Variants in C10orf90 observed in about 807,000 individuals in gnomAD.
The protein encoded by C10orf90 is chromosome 10 open reading frame 90.
C10orf90 carries 56 observed loss-of-function variants against 62.5 expected under a neutral mutation model. The observed-to-expected ratio is 0.90, with a 90% CI of 0.72 to 1.12. C10orf90 has a LOEUF of 1.12. Ranked by LOEUF, C10orf90 falls within the 50% of genes most tolerant of loss-of-function variation. The pLI is 0.00. For synonymous variants in C10orf90, 386 were observed against 340.4 expected (o/e 1.13, Z -1.47); for missense variants, 970 against 880.4 (o/e 1.10, Z -1.29).
At chr10:126,607,241 C>G (rs1845332126) in intron 2 of C10orf90, among the ~76,000 whole-genome samples, 1 of 152,196 alleles carries the variant, frequency 6.6e-6, no homozygotes, top group Non-Finnish European at 1.5e-5. Context: ...TATATAGCTA[C>G]CATTGAGTAC....
chr10:126,445,803 G>GTATATATATATATATATA (rs1227032547), intron 7 of C10orf90, among the ~76,000 whole-genome samples: 11 of 67,060 alleles, frequency 1.6e-4, no homozygotes, highest in African/African-American at 6.5e-4. Context: ...AGAAACTGTG[G>GTATATATATATATATATA]TGTATATATA....
intron 2 of C10orf90, among the ~76,000 whole-genome samples, chr10:126,565,095 T>TATATAATATATAAAATATATATTATAC (rs1844314121): frequency 2.2e-5 from 1 of 45,078 alleles, no homozygotes; most frequent in African/African-American, 8.9e-5. Flanking sequence ...ATATATATTA[T>TATATAATATATAAAATATATATTATAC]ATAATATATA....
At chr10:126,521,527 CA>C in intron 2 of C10orf90, 8 of 1,293,640 alleles carry the variant, frequency 6.2e-6, no homozygotes, top group Non-Finnish European at 8.0e-6. Flanking sequence ...ACAGGGCAAC[CA>C]GGGGAGGTGG....
intron 2 of C10orf90, among the ~76,000 whole-genome samples, chr10:126,565,667 A>C (rs1844370019): frequency 6.6e-6 from 1 of 151,790 alleles, no homozygotes; most frequent in Non-Finnish European, 1.5e-5. Flanking sequence ...TTGTTTGAAC[A>C]AATTGGAAAC....
At chr10:126,497,177 G>A (rs993920367) in intron 4 of C10orf90, among the ~76,000 whole-genome samples, 4 of 152,192 alleles carry the variant, frequency 2.6e-5, no homozygotes, top group African/African-American at 9.6e-5. Context: ...CAGCACAGGA[G>A]CACCTGTTCT....
intron 1 of C10orf90, among the ~76,000 whole-genome samples, chr10:126,660,651 C>A (rs889594004): frequency 1.3e-5 from 2 of 151,976 alleles, no homozygotes; most frequent in Non-Finnish European, 2.9e-5. Flanking sequence ...GAGAAGCCAT[C>A]TAACCTACAC....
At chr10:126,562,931 C>T (rs1172681097) in intron 2 of C10orf90, among the ~76,000 whole-genome samples, 4 of 152,242 alleles carry the variant, frequency 2.6e-5, no homozygotes, top group Non-Finnish European at 4.4e-5. Flanking sequence ...CTCACTTCTC[C>T]CAGCCACCGG....
At chr10:126,430,278 C>T (rs553127898) in intron 7 of C10orf90, among the ~76,000 whole-genome samples, 1 of 152,266 alleles carries the variant, frequency 6.6e-6, no homozygotes, top group African/African-American at 2.4e-5. Flanking sequence ...AGGTTTCACT[C>T]TTGTCTATAG....
chr10:126,481,181 C>T (rs1861144135), intron 4 of C10orf90, among the ~76,000 whole-genome samples: 1 of 152,206 alleles, frequency 6.6e-6, no homozygotes, highest in Non-Finnish European at 1.5e-5. Flanking sequence ...AGAAGCCTTC[C>T]CTGGCCACCC....
intron 1 of C10orf90, among the ~76,000 whole-genome samples, chr10:126,659,776 T>C (rs1378877593): frequency 6.6e-6 from 1 of 152,202 alleles, no homozygotes; most frequent in African/African-American, 2.4e-5. Flanking sequence ...GAAAAATGAG[T>C]GAATCTGTAA....
chr10:126,434,581 G>A (rs181040693), intron 7 of C10orf90, among the ~76,000 whole-genome samples: 15 of 152,290 alleles, frequency 9.8e-5, no homozygotes, highest in South Asian at 4.1e-4. Context: ...AGAGATACCC[G>A]TTGGAGAGAA....
At chr10:126,473,139 C>A (rs1239759626) in intron 4 of C10orf90, among the ~76,000 whole-genome samples, 1 of 152,132 alleles carries the variant, frequency 6.6e-6, no homozygotes, top group Non-Finnish European at 1.5e-5. Context: ...CCACACCAGC[C>A]CCACATTCCT....
chr10:126,522,527 C>G (rs1007794858), intron 2 of C10orf90, among the ~76,000 whole-genome samples: 1 of 152,222 alleles, frequency 6.6e-6, no homozygotes, highest in Admixed American at 6.5e-5. Flanking sequence ...TGGATAATCT[C>G]AAGCCCCTTG....
chr10:126,483,682 A>G (rs1230692709), intron 4 of C10orf90, among the ~76,000 whole-genome samples: 1 of 152,228 alleles, frequency 6.6e-6, no homozygotes, highest in Non-Finnish European at 1.5e-5. Context: ...TTAGCTCTAT[A>G]AGCATAGATT....
chr10:126,537,931 G>C (rs1864276782), intron 2 of C10orf90, among the ~76,000 whole-genome samples: 1 of 152,170 alleles, frequency 6.6e-6, no homozygotes, highest in Non-Finnish European at 1.5e-5. Flanking sequence ...AACCCAATGT[G>C]ACTATTGTAC....
intron 7 of C10orf90, among the ~76,000 whole-genome samples, chr10:126,444,853 C>A (rs1039578905): frequency 2.0e-5 from 3 of 151,870 alleles, no homozygotes; most frequent in South Asian, 2.1e-4. Context: ...AATAGAGAAC[C>A]CAAAAATAAG....
At chr10:126,599,588 G>A (rs1202423418) in intron 2 of C10orf90, among the ~76,000 whole-genome samples, 1 of 151,790 alleles carries the variant, frequency 6.6e-6, no homozygotes, top group Admixed American at 6.6e-5. Context: ...CATCCTCAGA[G>A]ATGTGAGGGC....
At chr10:126,657,963 T>A (rs375286680) in intron 1 of C10orf90, among the ~76,000 whole-genome samples, 3 of 152,272 alleles carry the variant, frequency 2.0e-5, no homozygotes, top group Non-Finnish European at 2.9e-5. Context: ...CCAACAGGAC[T>A]ATGGGGCATG....
chr10:126,508,672 G>A lies in C10orf90; in HGVS notation c.406-3587C>T, dbSNP rs1564844189. 3.3e-5 allele frequency among the ~76,000 whole-genome samples: 5 copies of A among 152,342 alleles called. No homozygotes were observed. The South Asian group carries it at 1.0e-3, about 32-fold the overall frequency. On this transcript the variant is annotated intron_variant, in intron 3 of 9. Coordinates refer to ENST00000488181, the MANE Select transcript of C10orf90 (RefSeq NM_001350921.2). Reference sequence around the variant, plus strand: ...GCCGGCCTAGGACTCAGGCCACCTGGGTCTAGCGTGGGCCGGGACTCCCAT... The same window carrying A: ...GCCGGCCTAGGACTCAGGCCACCTGAGTCTAGCGTGGGCCGGGACTCCCAT...
Sources: allele counts gnomAD v4.1 joint callset (sites outside exome capture counted in the v4.1 genomes callset), GRCh38; gene constraint gnomAD v4.1.1; transcripts MANE v1.5; gene names NCBI Gene and HGNC (gene_info 2026-07-23, HGNC 2026-07-21).